Variants in NSMCE1 observed in about 807,000 individuals in gnomAD.
NSMCE1 encodes the protein NSE1 component of SMC5/6 complex.
In NSMCE1, 18 loss-of-function variants were observed where a neutral mutation model predicts 29.6. The observed-to-expected ratio is 0.61, with a 90% CI of 0.42 to 0.90. NSMCE1 has a LOEUF of 0.90. Among genes scored for constraint, NSMCE1 ranks in the 40% least tolerant of loss-of-function variants. The probability of loss-of-function intolerance (pLI) is 0.00; values close to 1 mark genes in which losing one functional copy is unlikely to be tolerated. For missense variants in NSMCE1, 314 were observed against 343.6 expected, an observed-to-expected ratio of 0.91 and a Z score of 0.68; for synonymous variants, 124 against 133.4, an observed-to-expected ratio of 0.93 and a Z score of 0.49.
chr16:27,234,095 T>A, intron 4 of NSMCE1, 93 bp downstream of exon 4: 2 of 837,942 alleles, frequency 2.4e-6, no homozygotes, highest in East Asian at 4.9e-5. Flanking sequence ...CCCCCAGTGA[T>A]CCTTGAACAC....
In NSMCE1 at chr16:27,251,163, T is replaced by TATATAA. The variant is rs1567281124; in HGVS notation, c.136+6271_136+6272insTTATAT. Reference sequence around the variant, plus strand: ...GCCTTAATTTTAATTATTTAAAATATATATATATATATATATATATATATA... The same window carrying TATATAA: ...GCCTTAATTTTAATTATTTAAAATATATATAAATATATATATATATATATATATATA... On this transcript the variant is annotated intron_variant, in intron 2 of 7. Transcript: ENST00000361439. 2.4e-4 allele frequency among the ~76,000 whole-genome samples: 16 copies of TATATAA among 67,478 alleles called. 1 individual carries two copies. Among genetic ancestry groups the TATATAA allele is most frequent in the African/African-American group, 5.4e-4 (6 of 11,030 alleles). The allele number at this position is 67,478 out of a possible 152,430, so 44.3% of individuals were successfully genotyped here.
chr16:27,254,485 A>G (rs1296448008), intron 2 of NSMCE1, among the ~76,000 whole-genome samples: 1 of 152,226 alleles, frequency 6.6e-6, no homozygotes, highest in Non-Finnish European at 1.5e-5. Flanking sequence ...GAGCTGTGAA[A>G]CTTCCCCACC....
chr16:27,243,214 A>C (rs1337013285), intron 2 of NSMCE1, among the ~76,000 whole-genome samples: 1 of 152,216 alleles, frequency 6.6e-6, no homozygotes. Flanking sequence ...AGTGCAAACA[A>C]ACAATGCCTG....
chr16:27,259,079 G>T (rs2084124458), intron 1 of NSMCE1, among the ~76,000 whole-genome samples: 1 of 151,996 alleles, frequency 6.6e-6, no homozygotes, highest in Admixed American at 6.6e-5. Flanking sequence ...TCCTCAACTG[G>T]ACCTCAGGGC....
chr16:27,226,130 G>C (rs2083688189), intron 6 of NSMCE1: 1 of 315,088 alleles, frequency 3.2e-6, no homozygotes. Flanking sequence ...GTGGCGTGTG[G>C]ACAGCCACAG....
At chr16:27,248,599 C>A (rs2083985275) in intron 2 of NSMCE1, among the ~76,000 whole-genome samples, 1 of 151,696 alleles carries the variant, frequency 6.6e-6, no homozygotes, top group African/African-American at 2.4e-5. Context: ...TTAGTAGACA[C>A]AGGGTTTCAC....
At chr16:27,236,701 T>C (rs2083829549) in intron 2 of NSMCE1, among the ~76,000 whole-genome samples, 1 of 152,158 alleles carries the variant, frequency 6.6e-6, no homozygotes, top group East Asian at 1.9e-4. Flanking sequence ...TAGAAAATCA[T>C]TCTGGAAAAA....
chr16:27,268,754 G>A lies in NSMCE1; in HGVS notation c.-60C>T, dbSNP rs1044989307. On this transcript the variant is annotated 5_prime_UTR_variant, in exon 1 of 8. Coordinates refer to ENST00000361439, the MANE Select transcript of NSMCE1 (RefSeq NM_145080.4). ...GCCGCGCTAGCGGATACGGTCGCAAGGTGGACTCTTCTTCCTTTGAGGCGG... is the reference window on the plus strand; with the variant it reads ...GCCGCGCTAGCGGATACGGTCGCAAAGTGGACTCTTCTTCCTTTGAGGCGG... The A allele has an allele frequency of 4.6e-5, 7 of 152,828 alleles. No homozygotes were observed. Among genetic ancestry groups the A allele is most frequent in the Admixed American group, 3.9e-4 (6 of 15,292 alleles). 9.5% of individuals were successfully genotyped at this position (152,828 alleles called of 1,614,324 possible). A position where few individuals can be genotyped will look rare whatever the true frequency, so the allele number is the denominator to read the frequency against.
intron 2 of NSMCE1, among the ~76,000 whole-genome samples, chr16:27,248,515 A>G (rs2083983874): frequency 6.7e-6 from 1 of 150,086 alleles, no homozygotes; most frequent in Admixed American, 6.6e-5. Flanking sequence ...GGTTCAAGCA[A>G]TTCTCCTGCC....
intron 5 of NSMCE1, among the ~76,000 whole-genome samples, chr16:27,231,598 T>C (rs530382251): frequency 1.3e-5 from 2 of 151,110 alleles, no homozygotes; most frequent in South Asian, 2.1e-4. Context: ...GATTGCACCA[T>C]TGCACTCCAG....
At chr16:27,251,568 G>A (rs4787944) in intron 2 of NSMCE1, among the ~76,000 whole-genome samples, 9,551 of 152,146 alleles carry the variant, frequency 0.063, 745 homozygotes, top group African/African-American at 0.19. Flanking sequence ...AGTCTTGTTT[G>A]GGGTTTTCTT....
At chr16:27,246,352 A>C (rs2083958736) in intron 2 of NSMCE1, among the ~76,000 whole-genome samples, 1 of 152,270 alleles carries the variant, frequency 6.6e-6, no homozygotes, top group African/African-American at 2.4e-5. Flanking sequence ...AATTAACATT[A>C]AACATGATAA....
chr16:27,265,611 T>C (rs1402661771), intron 1 of NSMCE1, among the ~76,000 whole-genome samples: 1 of 152,188 alleles, frequency 6.6e-6, no homozygotes, highest in East Asian at 1.9e-4. Context: ...AAGCACCTTG[T>C]AATAACAAAA....
intron 2 of NSMCE1, among the ~76,000 whole-genome samples, chr16:27,245,502 G>A (rs1489174674): frequency 2.0e-5 from 3 of 152,256 alleles, no homozygotes; most frequent in Non-Finnish European, 2.9e-5. Context: ...TGAAAGGGCT[G>A]CGGTGGAGCA....
intron 2 of NSMCE1, among the ~76,000 whole-genome samples, chr16:27,237,898 T>C (rs545872584): frequency 6.2e-4 from 95 of 152,274 alleles, no homozygotes; most frequent in Non-Finnish European, 7.1e-4. Flanking sequence ...CTGTACTCGC[T>C]CACTGCACAC....
chr16:27,240,107 C>T (rs781623677), intron 2 of NSMCE1, among the ~76,000 whole-genome samples: 18 of 152,146 alleles, frequency 1.2e-4, no homozygotes, highest in Admixed American at 3.9e-4. Flanking sequence ...AAATGGAGCC[C>T]GGGCTTGCCC....
At chr16:27,231,970 G>A (rs1394729682) in intron 5 of NSMCE1, among the ~76,000 whole-genome samples, 2 of 152,168 alleles carry the variant, frequency 1.3e-5, no homozygotes, top group African/African-American at 2.4e-5. Context: ...TCCCAGCCCT[G>A]CCCTCACCCC....
chr16:27,242,879 C>T (rs1419590857), intron 2 of NSMCE1, among the ~76,000 whole-genome samples: 1 of 152,228 alleles, frequency 6.6e-6, no homozygotes, highest in Non-Finnish European at 1.5e-5. Flanking sequence ...TACAGGGGCT[C>T]TGCAGGGGAC....
chr16:27,225,748 G>T lies in NSMCE1; in HGVS notation c.699C>A (p.Asp233Glu). 6.2e-7 allele frequency: 1 copy of T among 1,614,198 alleles called. No individual in the cohort carries two copies. The highest frequency in any genetic ancestry group is 8.5e-7 in the Non-Finnish European group (1 of 1,180,052). ...NAEPRCPHCN[D>E]YWPHEIPKVF... ...CACTTGGGATCTCGTGGGGCCAGTA[G>T]TCGTTGCAGTGGGGGCAGCGCGGTT... Residue 233 changes from aspartate to glutamate, a missense_variant, in exon 7 of 8, where the codon GAC becomes GAA. Physicochemically the swap from Asp to Glu is conservative, Grantham distance 45. Transcript: ENST00000361439.
Sources: allele counts gnomAD v4.1 joint callset (sites outside exome capture counted in the v4.1 genomes callset), GRCh38; gene constraint gnomAD v4.1.1; transcripts MANE v1.5; gene names NCBI Gene and HGNC (gene_info 2026-07-23, HGNC 2026-07-21).